Variants in PDE4B observed in about 807,000 individuals in gnomAD.
PDE4B encodes 3',5'-cyclic-AMP phosphodiesterase 4B.
In PDE4B, 20 loss-of-function variants were observed where a neutral mutation model predicts 82.2. The ratio of observed to expected loss-of-function variants is 0.24; its 90% CI spans 0.17 to 0.35. PDE4B has a LOEUF of 0.35. Among genes scored for constraint, PDE4B ranks in the 10% least tolerant of loss-of-function variants. PDE4B has a pLI of 1.00. For synonymous variants in PDE4B, 320 were observed against 318.9 expected (o/e 1.00, Z -0.04); for missense variants, 655 against 907.2 (o/e 0.72, Z 3.57).
intron 1 of PDE4B, among the ~76,000 whole-genome samples, chr1:65,891,473 A>G (rs1476671196): frequency 6.6e-6 from 1 of 152,062 alleles, no homozygotes; most frequent in Non-Finnish European, 1.5e-5. Context: ...ACTATACTGT[A>G]TAAATCTTTA....
At chr1:66,024,011 T>C (rs1653294617) in intron 3 of PDE4B, among the ~76,000 whole-genome samples, 2 of 152,228 alleles carry the variant, frequency 1.3e-5, no homozygotes, top group South Asian at 2.1e-4. Flanking sequence ...ATTAATAATG[T>C]GAATTGTTTC....
intron 3 of PDE4B, among the ~76,000 whole-genome samples, chr1:66,216,940 T>C (rs1266812038): frequency 2.0e-5 from 3 of 152,170 alleles, no homozygotes; most frequent in African/African-American, 7.2e-5. Context: ...GGACAAATCA[T>C]GTCCCTAGAC....
chr1:65,888,565 T>C (rs952878607), intron 1 of PDE4B, among the ~76,000 whole-genome samples: 11 of 152,186 alleles, frequency 7.2e-5, no homozygotes, highest in South Asian at 2.1e-4. Flanking sequence ...TGATTTATTC[T>C]TTTGATTCAT....
intron 3 of PDE4B, among the ~76,000 whole-genome samples, chr1:65,948,392 G>T (rs770593058): frequency 6.6e-6 from 1 of 151,910 alleles, no homozygotes; most frequent in Non-Finnish European, 1.5e-5. Flanking sequence ...GCAAGCTTGA[G>T]GAGCAAGGAT....
At chr1:65,976,688 A>G (rs923431444) in intron 3 of PDE4B, among the ~76,000 whole-genome samples, 2 of 152,172 alleles carry the variant, frequency 1.3e-5, no homozygotes, top group Non-Finnish European at 2.9e-5. Flanking sequence ...GTGAGTTCTC[A>G]TAAGATCTGA....
In PDE4B at chr1:66,310,812, C is replaced by A. The variant is rs80343528; in HGVS notation, c.635-21696C>A. On this transcript the variant is annotated intron_variant, in intron 7 of 16. Transcript: ENST00000341517. The stretch of plus-strand genomic sequence containing the variant: ...GGTTCCTGGCTGACACTTACTAGAT[C>A]TTTAATGACTCTAAACCTGTTTTCT... Among the ~76,000 whole-genome samples, 1,245 of 152,298 alleles carry A rather than the reference C, an allele frequency of 8.2e-3. 10 individuals are homozygous for A. The highest frequency in any genetic ancestry group is 0.048 in the Middle Eastern group (14 of 294).
At chr1:66,113,801 A>G (rs914987655) in intron 3 of PDE4B, among the ~76,000 whole-genome samples, 12 of 152,232 alleles carry the variant, frequency 7.9e-5, no homozygotes, top group African/African-American at 2.9e-4. Context: ...ACCAGAAAGA[A>G]AAGACGTCAT....
intron 7 of PDE4B, among the ~76,000 whole-genome samples, chr1:66,281,931 C>T (rs766941426): frequency 4.6e-5 from 7 of 152,180 alleles, no homozygotes; most frequent in Non-Finnish European, 1.0e-4. Flanking sequence ...CATAAAGACA[C>T]TCAGCTAGTA....
chr1:66,015,210 A>G (rs76426541), intron 3 of PDE4B, among the ~76,000 whole-genome samples: 3,216 of 152,246 alleles, frequency 0.021, 114 homozygotes, highest in African/African-American at 0.073. Context: ...AAATAATTGT[A>G]GGATTGATCA....
intron 7 of PDE4B, among the ~76,000 whole-genome samples, chr1:66,305,420 C>G (rs1658200613): frequency 6.6e-6 from 1 of 152,090 alleles, no homozygotes; most frequent in African/African-American, 2.4e-5. Context: ...ATTTGAATTT[C>G]AGATAAACAA....
intron 3 of PDE4B, among the ~76,000 whole-genome samples, chr1:66,194,099 A>G (rs571810317): frequency 6.6e-6 from 1 of 152,134 alleles, no homozygotes; most frequent in Non-Finnish European, 1.5e-5. Context: ...CTGTTCTTAG[A>G]TGTAGAAAAC....
At chr1:66,203,717 C>T (rs1189891067) in intron 3 of PDE4B, among the ~76,000 whole-genome samples, 2 of 151,612 alleles carry the variant, frequency 1.3e-5, no homozygotes, top group South Asian at 2.1e-4. Context: ...TTAAGCACTT[C>T]TCTGCATTGG....
chr1:66,163,659 A>C (rs1433679995), intron 3 of PDE4B, among the ~76,000 whole-genome samples: 1 of 152,222 alleles, frequency 6.6e-6, no homozygotes, highest in African/African-American at 2.4e-5. Context: ...TTAACAAAAC[A>C]GTCATGTTTT....
rs1309902300 is a variant in PDE4B at position 65,794,742 on chromosome 1, T to C, written c.-71+1494T>C. On this transcript the variant is annotated intron_variant, in intron 1 of 16. Transcript: ENST00000341517. ...AACAACAACGTGCCAATTTTGTTAA[T>C]TTACAAAAAATAAGTAAGATTGTTA... 4.6e-5 allele frequency among the ~76,000 whole-genome samples: 7 copies of C among 152,334 alleles called. No individual in the cohort carries two copies. The East Asian group carries it at 1.3e-3, about 29-fold the overall frequency.
chr1:66,197,409 C>T (rs1289227116), intron 3 of PDE4B, among the ~76,000 whole-genome samples: 4 of 152,070 alleles, frequency 2.6e-5, no homozygotes, highest in Non-Finnish European at 4.4e-5. Context: ...AGATGTTAAT[C>T]TCTCATAGCT....
Position 66,319,720 on chromosome 1 carries a change from G to T in PDE4B, c.635-12788G>T, listed in dbSNP as rs370000972. Among the ~76,000 whole-genome samples the T allele has an allele frequency of 2.6e-4, 39 of 152,254 alleles. No homozygotes were observed. The South Asian group carries it at 6.2e-3, about 24-fold the overall frequency. ...TCAGGCTTTTCCTCTATAAAATAAA[G>T]ACAATAATACCTCTCTCGAAAGGTA... On this transcript the variant is annotated intron_variant, in intron 7 of 16. Transcript: ENST00000341517.
At chr1:66,022,610 T>G (rs1453681024) in intron 3 of PDE4B, among the ~76,000 whole-genome samples, 1 of 152,226 alleles carries the variant, frequency 6.6e-6, no homozygotes, top group Admixed American at 6.5e-5. Context: ...GGATTACGTT[T>G]ATTGATTTGC....
chr1:66,046,153 T>C (rs1654701759), intron 3 of PDE4B: 1 of 151,790 alleles, frequency 6.6e-6, no homozygotes, highest in African/African-American at 2.4e-5. Context: ...TCCATAGCGA[T>C]AGAGATGGAG....
intron 1 of PDE4B, among the ~76,000 whole-genome samples, chr1:65,869,415 ATTG>A (rs1212526209): frequency 3.3e-5 from 5 of 152,208 alleles, no homozygotes; most frequent in Admixed American, 6.5e-5. Flanking sequence ...TTGAACTAAT[ATTG>A]TTGTAGCATT....
Sources: gnomAD v4.1 joint callset for allele counts (sites outside exome capture counted in the v4.1 genomes callset) on GRCh38, gnomAD v4.1.1 for gene constraint, MANE v1.5 for transcripts, NCBI Gene and HGNC (gene_info 2026-07-23, HGNC 2026-07-21) for gene names.